Variants in TENM3 observed in about 807,000 individuals in gnomAD.
TENM3 encodes the protein teneurin-3.
A neutral mutation model predicts 255.1 loss-of-function variants in TENM3; 63 were observed. The observed-to-expected ratio is 0.25, with a 90% CI of 0.20 to 0.30. The LOEUF is 0.30. Among genes scored for constraint, TENM3 ranks in the 10% least tolerant of loss-of-function variants. The pLI, the probability that TENM3 is intolerant of heterozygous loss-of-function variation, is 1.00. For synonymous variants in TENM3, 1,306 were observed against 1,322.3 expected, an observed-to-expected ratio of 0.99 and a Z score of 0.27; for missense variants, 2,929 against 3,461.1, an observed-to-expected ratio of 0.85 and a Z score of 3.86.
intron 3 of TENM3, among the ~76,000 whole-genome samples, chr4:182,579,223 CAG>C (rs1249869854): frequency 3.3e-5 from 5 of 152,080 alleles, no homozygotes; most frequent in African/African-American, 7.2e-5. Context: ...TGGTTTTAAA[CAG>C]AATATATTGG....
the TENM3 span, among the ~76,000 whole-genome samples, chr4:181,478,141 C>T: frequency 6.6e-6 from 1 of 152,146 alleles, no homozygotes; most frequent in Non-Finnish European, 1.5e-5. Flanking sequence ...TGGGAGACTA[C>T]TTGTACTTTA....
intron 1 of TENM3, among the ~76,000 whole-genome samples, chr4:182,222,025 G>T (rs1382284475): frequency 2.0e-5 from 3 of 152,038 alleles, no homozygotes; most frequent in Non-Finnish European, 4.4e-5. Context: ...AAAACACCTG[G>T]AAGTCCTTGT....
chr4:182,651,425 T>G (rs1245872201), intron 5 of TENM3, among the ~76,000 whole-genome samples: 1 of 152,116 alleles, frequency 6.6e-6, no homozygotes, highest in South Asian at 2.1e-4. Context: ...GCGCAGTGGC[T>G]CAAGCCTGTA....
At chr4:182,439,926 T>C (rs1390264664) in intron 3 of TENM3, among the ~76,000 whole-genome samples, 1 of 152,128 alleles carries the variant, frequency 6.6e-6, no homozygotes, top group Non-Finnish European at 1.5e-5. Context: ...TTGGGTGAAC[T>C]TCCTCTCTCT....
the TENM3 span, among the ~76,000 whole-genome samples, chr4:181,819,225 A>G: frequency 6.6e-6 from 1 of 151,948 alleles, no homozygotes; most frequent in Admixed American, 6.6e-5. Flanking sequence ...CCTCCTCTAA[A>G]TGACAGGTCT....
At chr4:182,576,030 A>G (rs1373573797) in intron 3 of TENM3, among the ~76,000 whole-genome samples, 1 of 152,194 alleles carries the variant, frequency 6.6e-6, no homozygotes, top group Non-Finnish European at 1.5e-5. Context: ...GCAGAATTCC[A>G]CTTTAAACAA....
the TENM3 span, among the ~76,000 whole-genome samples, chr4:182,125,495 C>T: frequency 6.8e-4 from 103 of 152,170 alleles, no homozygotes; most frequent in Non-Finnish European, 1.1e-3. Context: ...GAAATGCCAC[C>T]GTAAAATGAA....
chr4:182,542,884 T>C (rs1481612130), intron 3 of TENM3, among the ~76,000 whole-genome samples: 1 of 152,224 alleles, frequency 6.6e-6, no homozygotes, highest in African/African-American at 2.4e-5. Flanking sequence ...TGCATTAAGC[T>C]GTTGAATCCT....
At chr4:181,984,171 A>C in the TENM3 span, among the ~76,000 whole-genome samples, 1 of 152,042 alleles carries the variant, frequency 6.6e-6, no homozygotes, top group Non-Finnish European at 1.5e-5. Flanking sequence ...TGATCTCAGA[A>C]CAGTCATGCA....
the TENM3 span, among the ~76,000 whole-genome samples, chr4:181,631,798 G>C: frequency 6.6e-6 from 1 of 152,282 alleles, no homozygotes; most frequent in African/African-American, 2.4e-5. Context: ...TACACCAGGG[G>C]CAGGAATCTT....
At chr4:181,778,616 C>T in the TENM3 span, among the ~76,000 whole-genome samples, 1 of 152,058 alleles carries the variant, frequency 6.6e-6, no homozygotes, top group African/African-American at 2.4e-5. Flanking sequence ...GTCAGTTTTG[C>T]CTTGATTGAG....
chr4:181,921,163 A>C, the TENM3 span, among the ~76,000 whole-genome samples: 1 of 152,234 alleles, frequency 6.6e-6, no homozygotes, highest in Non-Finnish European at 1.5e-5. Context: ...GAAGTCAGGT[A>C]GCGTGATGCC....
chr4:182,005,836 G>C, the TENM3 span, among the ~76,000 whole-genome samples: 2 of 152,074 alleles, frequency 1.3e-5, no homozygotes, highest in Non-Finnish European at 2.9e-5. Context: ...TAGTAAATGT[G>C]AATGGGAGTT....
chr4:182,455,349 G>A (rs1228279166), intron 3 of TENM3, among the ~76,000 whole-genome samples: 2 of 151,972 alleles, frequency 1.3e-5, no homozygotes, highest in Admixed American at 6.5e-5. Flanking sequence ...CCTGCCTTCT[G>A]CCTGTCTTTT....
At chr4:182,798,036 A>T (rs1000431467) in intron 27 of TENM3, among the ~76,000 whole-genome samples, 1 of 151,770 alleles carries the variant, frequency 6.6e-6, no homozygotes. Flanking sequence ...TATCATATAT[A>T]TTTTTTTTTA....
intron 3 of TENM3, among the ~76,000 whole-genome samples, chr4:182,580,662 A>G (rs1745398925): frequency 6.6e-6 from 1 of 152,220 alleles, no homozygotes; most frequent in African/African-American, 2.4e-5. Context: ...AGCAACAAGC[A>G]TGAAGGAAGG....
chr4:182,511,908 T>G (rs529038375), intron 3 of TENM3, among the ~76,000 whole-genome samples: 4 of 152,300 alleles, frequency 2.6e-5, no homozygotes, highest in African/African-American at 9.6e-5. Context: ...GCCAATAATC[T>G]AAGAGTTAAG....
At chr4:181,808,449 T>C in the TENM3 span, among the ~76,000 whole-genome samples, 4 of 152,188 alleles carry the variant, frequency 2.6e-5, no homozygotes, top group African/African-American at 9.7e-5. Context: ...AAAAAAATTC[T>C]AGTAGAAGCA....
chr4:182,099,504 C>T, the TENM3 span, among the ~76,000 whole-genome samples: 409 of 152,106 alleles, frequency 2.7e-3, 3 homozygotes, highest in African/African-American at 9.6e-3. Context: ...TAGTTTTTAC[C>T]TTTTTAAATG....
Sources: allele counts gnomAD v4.1 joint callset (sites outside exome capture counted in the v4.1 genomes callset), GRCh38; gene constraint gnomAD v4.1.1; transcripts MANE v1.5; gene names NCBI Gene and HGNC (gene_info 2026-07-23, HGNC 2026-07-21).